Variants in KAT6A observed in about 807,000 individuals in gnomAD.
The protein encoded by KAT6A is histone acetyltransferase KAT6A.
Under a neutral mutation model 198.4 loss-of-function variants are expected in KAT6A, and 9 were observed. The observed-to-expected ratio is 0.05, with a 90% CI of 0.03 to 0.08. The LOEUF (loss-of-function observed/expected upper bound fraction) is 0.08, where lower values mean the gene tolerates loss of function less well. Ranked by LOEUF, KAT6A falls within the 10% of genes least tolerant of loss-of-function variation. KAT6A has a pLI of 1.00. For synonymous variants in KAT6A, 890 were observed against 883.0 expected, an observed-to-expected ratio of 1.01 and a Z score of -0.14; for missense variants, 2,077 against 2,509.9, an observed-to-expected ratio of 0.83 and a Z score of 3.69.
At chr8:41,949,183 GA>G in intron 10 of KAT6A, 38 bp downstream of exon 10, 1 of 1,406,760 alleles carries the variant, frequency 7.1e-7, no homozygotes, top group South Asian at 1.6e-5. Flanking sequence ...CCCTACTTAT[GA>G]AATGGATGAG....
Position 41,932,959 on chromosome 8 carries a change from G to C in KAT6A, c.5261C>G (p.Ala1754Gly). ...YSQPSATFSL[A>G]KLQQLTNTIM... ...GGTGTTGGTCAGCTGCTGCAGCTTG[G>C]CTAGGCTGAAGGTGGCTGATGGTTG... is the stretch of plus-strand genomic sequence containing the variant. The change falls in exon 17 of 17, where the codon GCC (alanine) becomes GGC (glycine). Residue 1754 changes from alanine to glycine, a missense_variant. Physicochemically the swap from Ala to Gly is moderately conservative, Grantham distance 60. Around this residue, in one of 13 missense-constraint regions of KAT6A, gnomAD observed 500 missense variants for 577.2 expected, o/e 0.87. Coordinates refer to ENST00000265713, the MANE Select transcript of KAT6A (RefSeq NM_006766.5). 6.2e-7 allele frequency: 1 copy of C among 1,614,162 alleles called. No homozygotes were observed. Among genetic ancestry groups the C allele is most frequent in the Non-Finnish European group, 8.5e-7 (1 of 1,180,016 alleles).
intron 12 of KAT6A, among the ~76,000 whole-genome samples, chr8:41,946,305 G>A (rs1822383422): frequency 6.6e-6 from 1 of 152,012 alleles, no homozygotes; most frequent in Non-Finnish European, 1.5e-5. Context: ...GTCTTGCCAT[G>A]TTGCCTAAGC....
chr8:42,009,926 A>AC (rs1413763302), intron 2 of KAT6A, among the ~76,000 whole-genome samples: 9 of 149,136 alleles, frequency 6.0e-5, no homozygotes, highest in Non-Finnish European at 1.0e-4. Flanking sequence ...AAAAAAAAAC[A>AC]AAACCACAAT....
chr8:41,976,982 T>C, intron 7 of KAT6A, 26 bp downstream of exon 7: 3 of 1,531,690 alleles, frequency 2.0e-6, no homozygotes, highest in Non-Finnish European at 2.6e-6. Flanking sequence ...ATACTATTTG[T>C]TTCTAAGTCT....
At chr8:42,039,893 C>T (rs1040297908) in intron 2 of KAT6A, among the ~76,000 whole-genome samples, 3 of 140,156 alleles carry the variant, frequency 2.1e-5, no homozygotes, top group African/African-American at 8.7e-5. Context: ...ACCACAATGC[C>T]TGGCTAATAT....
intron 2 of KAT6A, among the ~76,000 whole-genome samples, chr8:42,037,699 T>TG (rs1827449431): frequency 6.6e-6 from 1 of 151,828 alleles, no homozygotes; most frequent in Non-Finnish European, 1.5e-5. Flanking sequence ...AGCTTTTTTT[T>TG]TTTTTTTGGC....
At chr8:41,976,596 T>C (rs530307693) in intron 7 of KAT6A, among the ~76,000 whole-genome samples, 1 of 152,238 alleles carries the variant, frequency 6.6e-6, no homozygotes, top group African/African-American at 2.4e-5. Flanking sequence ...GTCTTTTTTT[T>C]ATGCTTAGAT....
At chr8:41,942,739 G>A (rs541029731) in intron 14 of KAT6A, 54 bp downstream of exon 14, 5 of 1,572,642 alleles carry the variant, frequency 3.2e-6, no homozygotes, top group Non-Finnish European at 3.5e-6. Context: ...AAATACTCAT[G>A]AAATCAAAAA....
At chr8:41,995,801 G>A (rs1044848782) in intron 2 of KAT6A, among the ~76,000 whole-genome samples, 2 of 150,772 alleles carry the variant, frequency 1.3e-5, no homozygotes, top group Non-Finnish European at 2.9e-5. Flanking sequence ...TCAGCCTCTC[G>A]AGTAGCTGGG....
chr8:41,970,149 CT>C (rs1327216646), intron 8 of KAT6A, among the ~76,000 whole-genome samples: 24 of 152,268 alleles, frequency 1.6e-4, no homozygotes, highest in Admixed American at 1.1e-3. Flanking sequence ...GAGTCTGTGT[CT>C]TTTTGTTTGC....
chr8:41,961,751 CA>C (rs913470847), intron 8 of KAT6A, among the ~76,000 whole-genome samples: 2,082 of 46,516 alleles, frequency 0.045, 12 homozygotes, highest in Non-Finnish European at 0.06. Flanking sequence ...GACTCCATCT[CA>C]AAAAAAAAAA....
At chr8:41,951,094 TC>T (rs1822648226) in intron 9 of KAT6A, among the ~76,000 whole-genome samples, 1 of 151,712 alleles carries the variant, frequency 6.6e-6, no homozygotes, top group African/African-American at 2.4e-5. Context: ...AAAATTACTA[TC>T]AAGTCTTCTC....
intron 16 of KAT6A, among the ~76,000 whole-genome samples, chr8:41,936,232 AC>A (rs1292507678): frequency 6.6e-6 from 1 of 152,194 alleles, no homozygotes; most frequent in Non-Finnish European, 1.5e-5. Flanking sequence ...CTGCACTCCC[AC>A]CTGGGTGACA....
chr8:41,971,569 G>A (rs903703790), intron 8 of KAT6A, among the ~76,000 whole-genome samples: 1 of 151,896 alleles, frequency 6.6e-6, no homozygotes, highest in African/African-American at 2.4e-5. Flanking sequence ...AGGGAGGCAG[G>A]CACAAAATCA....
intron 2 of KAT6A, among the ~76,000 whole-genome samples, chr8:42,037,861 A>G (rs1827455703): frequency 6.6e-6 from 1 of 152,200 alleles, no homozygotes. Flanking sequence ...ACAGCAAAGC[A>G]GAAGTGATGC....
chr8:42,023,855 C>A (rs1022522524), intron 2 of KAT6A, among the ~76,000 whole-genome samples: 1 of 150,916 alleles, frequency 6.6e-6, no homozygotes, highest in Non-Finnish European at 1.5e-5. Flanking sequence ...TTTTCTTTTA[C>A]TTTTTGTTAA....
intron 2 of KAT6A, among the ~76,000 whole-genome samples, chr8:42,022,202 G>A (rs1334694685): frequency 2.6e-5 from 4 of 151,870 alleles, no homozygotes; most frequent in Non-Finnish European, 5.9e-5. Context: ...TACATAATGG[G>A]CACTTAAAAA....
chr8:42,017,118 A>G (rs942823818), intron 2 of KAT6A, among the ~76,000 whole-genome samples: 1 of 152,220 alleles, frequency 6.6e-6, no homozygotes, highest in African/African-American at 2.4e-5. Flanking sequence ...CAGTGGACTC[A>G]TCTGAGGACA....
chr8:41,972,090 T>A (rs1823821347), intron 8 of KAT6A, among the ~76,000 whole-genome samples: 2 of 151,628 alleles, frequency 1.3e-5, no homozygotes, highest in Admixed American at 6.6e-5. Flanking sequence ...TAGAAAGGAG[T>A]TCCCCTCTGC....
Sources: gnomAD v4.1 joint callset for allele counts (sites outside exome capture counted in the v4.1 genomes callset) on GRCh38, gnomAD v4.1.1 for gene constraint, gnomAD v4.1.1 regional missense constraint, MANE v1.5 for transcripts, NCBI Gene and HGNC (gene_info 2026-07-23, HGNC 2026-07-21) for gene names.